FOCAD: variants seen among roughly 807,000 people sequenced by gnomAD.
FOCAD encodes KIAA1797.
Under a neutral mutation model 225.6 loss-of-function variants are expected in FOCAD, and 198 were observed. The ratio of observed to expected loss-of-function variants is 0.88; its 90% CI spans 0.78 to 0.99. FOCAD has a LOEUF of 0.99. Ranked by LOEUF, FOCAD falls within the 50% of genes least tolerant of loss-of-function variation. FOCAD has a pLI of 0.00. For missense variants in FOCAD, 2,713 were observed against 2,123.6 expected (o/e 1.28, Z -5.46); for synonymous variants, 897 against 755.0 (o/e 1.19, Z -3.08).
chr9:20,755,723 A>T (rs1434324573), intron 5 of FOCAD, among the ~76,000 whole-genome samples: 1 of 152,200 alleles, frequency 6.6e-6, no homozygotes. Flanking sequence ...TTATAGCGAT[A>T]TGGTTCTTAT....
intron 11 of FOCAD, among the ~76,000 whole-genome samples, chr9:20,814,675 C>T (rs1823467446): frequency 6.6e-6 from 1 of 151,958 alleles, no homozygotes; most frequent in African/African-American, 2.4e-5. Flanking sequence ...TTCTTTTGTG[C>T]ATGTTCTATG....
At chr9:20,948,559 T>C (rs1184299070) in intron 31 of FOCAD, among the ~76,000 whole-genome samples, 166 bp downstream of exon 31, 1 of 152,222 alleles carries the variant, frequency 6.6e-6, no homozygotes, top group Admixed American at 6.5e-5. Context: ...AAATAATGCA[T>C]TCTGCCAACT....
rs1819256075 is a variant in FOCAD, at chr9:20,780,461, AC to A, written c.995-1264del. On this transcript the variant is annotated intron_variant, in intron 9 of 43. Transcript: ENST00000338382. ...AGCAGACTTTTTCTTTCTCTCGTAA[AC>A]CAATATCTCTGATTTGAAGTTACCT... 2.0e-5 allele frequency among the ~76,000 whole-genome samples: 3 copies of A among 152,306 alleles called. No individual in the cohort carries two copies. In the South Asian group the frequency reaches 6.2e-4, roughly 32 times the overall value.
intron 28 of FOCAD, among the ~76,000 whole-genome samples, chr9:20,939,958 T>C (rs1836477073): frequency 6.9e-6 from 1 of 144,848 alleles, no homozygotes. Flanking sequence ...TGTGTCCAAG[T>C]GTTCTCATTG....
At chr9:20,705,946 T>G (rs1039546275) in intron 1 of FOCAD, among the ~76,000 whole-genome samples, 35 of 135,198 alleles carry the variant, frequency 2.6e-4, no homozygotes, top group African/African-American at 1.1e-3. Context: ...TTTTTTTTTT[T>G]TTTTTTTAAA....
At chr9:20,818,219 C>G (rs938119737) in intron 11 of FOCAD, among the ~76,000 whole-genome samples, 1 of 151,614 alleles carries the variant, frequency 6.6e-6, no homozygotes, top group African/African-American at 2.4e-5. Context: ...ATTTTAAAAC[C>G]TTTTTTTTGG....
intron 21 of FOCAD, among the ~76,000 whole-genome samples, chr9:20,905,417 G>T (rs1266681014): frequency 6.6e-6 from 1 of 151,810 alleles, no homozygotes. Flanking sequence ...TGAGACCATT[G>T]TCTTCCTTGC....
intron 4 of FOCAD, among the ~76,000 whole-genome samples, chr9:20,734,345 A>G (rs1396310662): frequency 6.6e-6 from 1 of 152,240 alleles, no homozygotes. Flanking sequence ...TTAGGAACCA[A>G]CTAACCCCAG....
At chr9:20,830,501 A>G (rs1227121668) in intron 15 of FOCAD, among the ~76,000 whole-genome samples, 1 of 151,702 alleles carries the variant, frequency 6.6e-6, no homozygotes, top group Non-Finnish European at 1.5e-5. Context: ...ATCCCTTTTC[A>G]TTGTATTTTC....
chr9:20,668,072 C>G (rs1821947261), intron 2 of FOCAD, among the ~76,000 whole-genome samples: 1 of 152,092 alleles, frequency 6.6e-6, no homozygotes, highest in Non-Finnish European at 1.5e-5. Context: ...TTGTAGTTTC[C>G]TGTAAATAAA....
At chr9:20,944,503 G>A in intron 28 of FOCAD, 124 bp from the exon 29 acceptor site, 2 of 1,011,606 alleles carry the variant, frequency 2.0e-6, no homozygotes, top group African/African-American at 1.6e-5. Context: ...CATCTACTAG[G>A]CAGCAGAATT....
At chr9:20,849,855 A>C (rs192849337) in intron 15 of FOCAD, among the ~76,000 whole-genome samples, 1 of 151,850 alleles carries the variant, frequency 6.6e-6, no homozygotes, top group Admixed American at 6.6e-5. Context: ...AAGAAGGCCT[A>C]TCTCTACTTG....
At chr9:20,752,560 A>G (rs1462405276) in intron 5 of FOCAD, among the ~76,000 whole-genome samples, 3 of 152,200 alleles carry the variant, frequency 2.0e-5, no homozygotes, top group Non-Finnish European at 4.4e-5. Context: ...TGGTTACTGT[A>G]GCCTTGTATT....
intron 22 of FOCAD, among the ~76,000 whole-genome samples, chr9:20,911,769 G>A (rs1011077336): frequency 6.6e-6 from 1 of 152,130 alleles, no homozygotes; most frequent in Non-Finnish European, 1.5e-5. Flanking sequence ...GGCATTCTGA[G>A]CCCATGTCCT....
At chr9:20,916,817 T>C (rs1833904046) in intron 23 of FOCAD, 76 bp from the exon 24 acceptor site, 3 of 1,344,194 alleles carry the variant, frequency 2.2e-6, no homozygotes, top group Admixed American at 2.3e-5. Flanking sequence ...GAGGTTCTTA[T>C]TAATTGATGA....
At chr9:20,663,499 A>C (rs12684794) in intron 2 of FOCAD, among the ~76,000 whole-genome samples, 23,270 of 151,728 alleles carry the variant, frequency 0.15, 1,863 homozygotes, top group Non-Finnish European at 0.18. Context: ...ACACACACAC[A>C]CACACACATA....
intron 21 of FOCAD, among the ~76,000 whole-genome samples, chr9:20,899,771 C>T (rs889301209): frequency 6.6e-6 from 1 of 151,936 alleles, no homozygotes; most frequent in Non-Finnish European, 1.5e-5. Context: ...ATTATATCCT[C>T]TTATTTTCAA....
chr9:20,818,346 G>A (rs978941482), intron 11 of FOCAD, among the ~76,000 whole-genome samples: 1 of 151,726 alleles, frequency 6.6e-6, no homozygotes, highest in Non-Finnish European at 1.5e-5. Context: ...TTTCTTTATG[G>A]TATCTTTTGA....
In FOCAD at chr9:20,770,187, A is replaced by G; in HGVS notation, c.855A>G (p.Glu285=). ...VSEVSLKITG[E]CSSSIHLLEH... ...AAGTCAGCTTAAAGATAACTGGTGA[A>G]TGTTCATCTTCAATTCACCTTTTAG... The change falls in exon 8 of 44, where the codon GAA becomes GAG. Residue 285 remains glutamate (E), a synonymous_variant. Coordinates refer to ENST00000338382, the MANE Select transcript of FOCAD (RefSeq NM_001375567.1). The G allele has an allele frequency of 6.2e-7, 1 of 1,614,098 alleles. No homozygotes were observed. Among genetic ancestry groups the G allele is most frequent in the Non-Finnish European group, 8.5e-7 (1 of 1,180,006 alleles).
Sources: gnomAD v4.1 joint callset for allele counts (sites outside exome capture counted in the v4.1 genomes callset) on GRCh38, gnomAD v4.1.1 for gene constraint, MANE v1.5 for transcripts, NCBI Gene and HGNC (gene_info 2026-07-23, HGNC 2026-07-21) for gene names.